COL23A1: variants seen among roughly 807,000 people sequenced by gnomAD.
COL23A1 encodes the protein collagen type XXIII alpha 1 chain.
COL23A1 carries 97 observed loss-of-function variants against 99.3 expected under a neutral mutation model. That is an observed-to-expected ratio of 0.98 (90% CI 0.83 to 1.16). The LOEUF is 1.16. Among genes scored for constraint, COL23A1 ranks in the 50% most tolerant of loss-of-function variants. The probability of loss-of-function intolerance (pLI) is 0.00; values close to 1 mark genes in which losing one functional copy is unlikely to be tolerated. For missense variants in COL23A1, 762 were observed against 757.4 expected (o/e 1.01, Z -0.07); for synonymous variants, 320 against 308.2 (o/e 1.04, Z -0.40).
intron 1 of COL23A1, among the ~76,000 whole-genome samples, chr5:178,575,910 C>T (rs1178701389): frequency 4.2e-4 from 64 of 152,184 alleles, no homozygotes; most frequent in African/African-American, 1.7e-4. Flanking sequence ...GGAATATGAC[C>T]GTAGCCACAA....
rs555210972 is a variant in COL23A1 at position 178,267,311 on chromosome 5, G to A, written c.518C>T (p.Pro173Leu). The A allele has an allele frequency of 8.1e-6, 13 of 1,614,092 alleles. No individual in the cohort carries two copies. The African/African-American group carries it at 1.7e-4, about 22-fold the overall frequency. The change falls in exon 8 of 29, where the codon CCC becomes CTC. Residue 173 changes from proline (P) to leucine (L), a missense_variant. Coordinates refer to ENST00000390654, the MANE Select transcript of COL23A1 (RefSeq NM_173465.4). ...GEKGAPGDFG[P>L]RGDQGQDGAA... Reference sequence around the variant, plus strand: ...GAGGTCATGCCTGGTTCTTACCCGGGGGCCAAAGTCTCCTGGTGCACCCTG... The same window carrying A: ...GAGGTCATGCCTGGTTCTTACCCGGAGGCCAAAGTCTCCTGGTGCACCCTG...
intron 2 of COL23A1, among the ~76,000 whole-genome samples, chr5:178,501,932 C>T (rs578212866): frequency 6.6e-6 from 1 of 152,350 alleles, no homozygotes; most frequent in East Asian, 1.9e-4. Flanking sequence ...CCTTCCCCTA[C>T]AGGGCCGTGT....
Position 178,309,092 on chromosome 5 carries a change from G to A in COL23A1, c.362-2173C>T, listed in dbSNP as rs770697374. 6.6e-6 allele frequency among the ~76,000 whole-genome samples: 1 copy of A among 152,218 alleles called. No homozygotes were observed. Among genetic ancestry groups the A allele is most frequent in the Non-Finnish European group, 1.5e-5 (1 of 68,026 alleles). The stretch of plus-strand genomic sequence containing the variant: ...GAAGTAGCCAGACTCTGCTAGATCC[G>A]AAGCAATGCAGCACTGTGCTTTCCT... On this transcript the variant is annotated intron_variant, in intron 2 of 28. Coordinates refer to ENST00000390654, the MANE Select transcript of COL23A1 (RefSeq NM_173465.4). This position sits in a 1 kb window ranked among gnomAD's most constrained non-coding sequence, Gnocchi z 4.7.
At chr5:178,433,059 T>C (rs1017113982) in intron 2 of COL23A1, among the ~76,000 whole-genome samples, 6 of 151,826 alleles carry the variant, frequency 4.0e-5, no homozygotes, top group Non-Finnish European at 7.4e-5. Flanking sequence ...TGCAATGGTG[T>C]CTTTTCCATC....
intron 2 of COL23A1, among the ~76,000 whole-genome samples, chr5:178,424,935 C>G (rs771229273): frequency 2.0e-5 from 3 of 152,196 alleles, no homozygotes; most frequent in Non-Finnish European, 4.4e-5. Context: ...GTCCTGGCCT[C>G]GCCTCCTCCT....
Position 178,247,817 on chromosome 5 carries a change from C to T in COL23A1, c.1227G>A (p.Val409=). ...CAGGGGGGCCAGGGGGCCCTGGCTC[C>T]ACTATGAGCTGAGCCTAGGGAGGGT... ...SLQESLAQLI[V]EPGPPGPPGP... Residue 409 remains valine, a synonymous_variant, in exon 21 of 29, where the codon GTG becomes GTA. Transcript: ENST00000390654. 1.2e-6 allele frequency: 2 copies of T among 1,613,154 alleles called. No individual in the cohort carries two copies. The highest frequency in any genetic ancestry group is 2.2e-5 in the East Asian group (1 of 44,866).
chr5:178,560,791 A>T (rs1160397459), intron 1 of COL23A1, 43 bp from the exon 2 acceptor site: 1 of 1,569,800 alleles, frequency 6.4e-7, no homozygotes, highest in South Asian at 1.2e-5. Flanking sequence ...GGAGAGAATG[A>T]GTTTCAGAAC....
At chr5:178,550,667 G>A (rs1035618036) in intron 2 of COL23A1, among the ~76,000 whole-genome samples, 1 of 152,152 alleles carries the variant, frequency 6.6e-6, no homozygotes, top group Non-Finnish European at 1.5e-5. Flanking sequence ...AGTCAGGTAA[G>A]AAGCCAGATA....
At position 178,383,038 on chromosome 5, in the gene COL23A1, G is replaced by A. The variant is rs370131965; in HGVS notation, c.362-76119C>T. On this transcript the variant is annotated intron_variant, in intron 2 of 28. Coordinates refer to ENST00000390654, the MANE Select transcript of COL23A1 (RefSeq NM_173465.4). Reference sequence around the variant, plus strand: ...CTCCTGAAAAGCTGACAGGAGCCAGGGGGTGTCTGTGATCAGGGCTGGGGG... The same window carrying A: ...CTCCTGAAAAGCTGACAGGAGCCAGAGGGTGTCTGTGATCAGGGCTGGGGG... 2.0e-5 allele frequency among the ~76,000 whole-genome samples: 3 copies of A among 152,268 alleles called. No individual in the cohort carries two copies. The South Asian group carries it at 6.2e-4, about 32-fold the overall frequency.
rs1758465695 is a variant in COL23A1, at chr5:178,308,091, CTG to C, written c.362-1174_362-1173del. 6.6e-6 allele frequency among the ~76,000 whole-genome samples: 1 copy of C among 151,510 alleles called. No individual in the cohort carries two copies. On this transcript the variant is annotated intron_variant, in intron 2 of 28. Transcript: ENST00000390654. The surrounding 1 kb of genome is among the most constrained non-coding windows in gnomAD (Gnocchi z 5.1). ...CATGTGTGTGTCTGTGTTTTTGTGT[CTG>C]TGTTTCTGTGTGTGTGTCTGTGTAT...
At chr5:178,585,015 G>A (rs1289597775) in intron 1 of COL23A1, among the ~76,000 whole-genome samples, 6 of 152,232 alleles carry the variant, frequency 3.9e-5, no homozygotes, top group Non-Finnish European at 5.9e-5. Flanking sequence ...AAAGGCCAAA[G>A]ACTGCAACCA....
chr5:178,326,769 G>A (rs1161988886), intron 2 of COL23A1, among the ~76,000 whole-genome samples: 2 of 152,186 alleles, frequency 1.3e-5, no homozygotes, highest in Admixed American at 1.3e-4. Context: ...ACCCAGGCTG[G>A]AGTGCAGTGG....
intron 2 of COL23A1, among the ~76,000 whole-genome samples, chr5:178,343,135 G>C (rs1760763245): frequency 6.6e-6 from 1 of 152,224 alleles, no homozygotes; most frequent in African/African-American, 2.4e-5. Flanking sequence ...GAAGGCCCTA[G>C]AAGTTGGCCA....
chr5:178,268,452 A>G (rs913190475), intron 7 of COL23A1, among the ~76,000 whole-genome samples: 1 of 152,064 alleles, frequency 6.6e-6, no homozygotes, highest in African/African-American at 2.4e-5. Flanking sequence ...TCCTCTGGAC[A>G]CTCGTCATTC....
chr5:178,269,057 C>T (rs143997389), intron 6 of COL23A1, among the ~76,000 whole-genome samples: 1 of 152,256 alleles, frequency 6.6e-6, no homozygotes, highest in Non-Finnish European at 1.5e-5. Flanking sequence ...AGAGCACACA[C>T]GGTCAGTTCC....
intron 2 of COL23A1, among the ~76,000 whole-genome samples, chr5:178,444,787 CT>C (rs980396545): frequency 3.9e-5 from 6 of 152,140 alleles, no homozygotes; most frequent in Admixed American, 2.6e-4. Context: ...CAGAGTGAGA[CT>C]TTTTGTGAAA....
At chr5:178,550,600 G>T (rs1441125860) in intron 2 of COL23A1, among the ~76,000 whole-genome samples, 1 of 152,158 alleles carries the variant, frequency 6.6e-6, no homozygotes, top group Admixed American at 6.5e-5. Flanking sequence ...AGCCAGCCAT[G>T]GTTGTATTTT....
chr5:178,342,932 C>G (rs1045049318), intron 2 of COL23A1, among the ~76,000 whole-genome samples: 1 of 152,170 alleles, frequency 6.6e-6, no homozygotes, highest in Admixed American at 6.5e-5. Flanking sequence ...GAGAACATGA[C>G]GAAGGAGCAA....
intron 2 of COL23A1, among the ~76,000 whole-genome samples, chr5:178,399,492 C>T (rs1490575317): frequency 6.6e-6 from 1 of 152,220 alleles, no homozygotes; most frequent in South Asian, 2.1e-4. Context: ...ACTGGGCCAC[C>T]TTGTTGAGCC....
Sources: gnomAD v4.1 joint callset for allele counts (sites outside exome capture counted in the v4.1 genomes callset) on GRCh38, gnomAD v4.1.1 for gene constraint, Gnocchi (gnomAD v3.1) non-coding constraint, MANE v1.5 for transcripts, NCBI Gene and HGNC (gene_info 2026-07-23, HGNC 2026-07-21) for gene names.